PLGRKT: variants seen among roughly 807,000 people sequenced by gnomAD.
PLGRKT encodes the protein plasminogen receptor (KT).
A neutral mutation model predicts 18.5 loss-of-function variants in PLGRKT; 22 were observed. That is an observed-to-expected ratio of 1.19 (90% CI 0.85 to 1.70). The LOEUF (loss-of-function observed/expected upper bound fraction) is 1.70. Among genes scored for constraint, PLGRKT ranks in the 40% most tolerant of loss-of-function variants. The probability of loss-of-function intolerance (pLI) is 0.00; values close to 1 mark genes in which losing one functional copy is unlikely to be tolerated. For missense variants in PLGRKT, 235 were observed against 174.4 expected (o/e 1.35, Z -1.96); for synonymous variants, 72 against 52.8 (o/e 1.36, Z -1.58).
chr9:5,391,320 T>G (rs1012913547), intron 3 of PLGRKT, among the ~76,000 whole-genome samples: 3 of 151,998 alleles, frequency 2.0e-5, no homozygotes, highest in African/African-American at 7.3e-5. Flanking sequence ...CAACATGTCT[T>G]GAAAACATTG....
At chr9:5,401,189 A>G (rs184331760) in intron 3 of PLGRKT, among the ~76,000 whole-genome samples, 3 of 151,946 alleles carry the variant, frequency 2.0e-5, no homozygotes, top group African/African-American at 7.3e-5. Flanking sequence ...TACCCAGTCT[A>G]CACAAGACAC....
chr9:5,422,247 G>A lies in PLGRKT; in HGVS notation c.81+9650C>T, dbSNP rs532998503. Among the ~76,000 whole-genome samples, 8 of 152,302 alleles carry A rather than the reference G, an allele frequency of 5.3e-5. No homozygotes were observed. The East Asian group carries it at 1.3e-3, about 26-fold the overall frequency. ...AAACTTATAATGGGTAGATCAGGTC[G>A]ATATGACTAAAGGTAAGACAACCAG... On this transcript the variant is annotated intron_variant, in intron 3 of 5. Transcript: ENST00000223864.
chr9:5,424,668 TTATATA>T (rs375682412), intron 3 of PLGRKT, among the ~76,000 whole-genome samples: 25,193 of 112,888 alleles, frequency 0.22, 3,199 homozygotes, highest in Non-Finnish European at 0.26. Context: ...ATTATATATT[TTATATA>T]TATATATATA....
At chr9:5,407,841 C>A (rs889812060) in intron 3 of PLGRKT, among the ~76,000 whole-genome samples, 1 of 152,100 alleles carries the variant, frequency 6.6e-6, no homozygotes, top group Admixed American at 6.5e-5. Flanking sequence ...AAAAGAAAAG[C>A]AAAATGCTAT....
chr9:5,370,468 T>C (rs1817492515), intron 3 of PLGRKT, among the ~76,000 whole-genome samples: 1 of 152,246 alleles, frequency 6.6e-6, no homozygotes, highest in African/African-American at 2.4e-5. Flanking sequence ...GAGCCTTCCC[T>C]ATTTTTGAGA....
chr9:5,403,475 T>G (rs1818196368), intron 3 of PLGRKT, among the ~76,000 whole-genome samples: 1 of 152,188 alleles, frequency 6.6e-6, no homozygotes, highest in African/African-American at 2.4e-5. Context: ...TCCGCCTGCC[T>G]CGGCCTCCCA....
intron 3 of PLGRKT, among the ~76,000 whole-genome samples, chr9:5,420,884 C>T (rs1818563080): frequency 6.6e-6 from 1 of 152,172 alleles, no homozygotes; most frequent in Non-Finnish European, 1.5e-5. Flanking sequence ...AGATGGGGGG[C>T]ACAAGTGTGA....
chr9:5,414,671 T>A (rs537899459), intron 3 of PLGRKT, among the ~76,000 whole-genome samples: 3 of 152,326 alleles, frequency 2.0e-5, no homozygotes, highest in East Asian at 3.9e-4. Context: ...TTTGACTGGA[T>A]ACTGTGAAGA....
intron 3 of PLGRKT, among the ~76,000 whole-genome samples, chr9:5,428,164 T>C (rs1205360406): frequency 3.3e-5 from 5 of 152,186 alleles, no homozygotes; most frequent in Non-Finnish European, 7.4e-5. Context: ...GAACTGTGGG[T>C]AGACTAAAAG....
Position 5,418,592 on chromosome 9 carries a change from C to T in PLGRKT, c.81+13305G>A, listed in dbSNP as rs117622174. The T allele has an allele frequency of 0.016, 12,130 of 749,314 alleles. 162 individuals are homozygous for T. The highest frequency in any genetic ancestry group is 0.022 in the Non-Finnish European group (8,775 of 406,238). 46.4% of individuals were successfully genotyped at this position (749,314 alleles called of 1,614,324 possible). A position where few individuals can be genotyped will look rare whatever the true frequency, so the allele number is the denominator to read the frequency against. ...CCAGCAGGGATGGTCACCACAGTGA[C>T]GGACTTCTGCCGGTTCCTGGGCAGC... is the stretch of plus-strand genomic sequence containing the variant. On this transcript the variant is annotated intron_variant, in intron 3 of 5. Coordinates refer to ENST00000223864, the MANE Select transcript of PLGRKT (RefSeq NM_018465.4). This position sits in a 1 kb window ranked among gnomAD's most constrained non-coding sequence, Gnocchi z 4.2.
At chr9:5,426,286 C>T (rs535783577) in intron 3 of PLGRKT, among the ~76,000 whole-genome samples, 7 of 152,210 alleles carry the variant, frequency 4.6e-5, no homozygotes, top group South Asian at 4.1e-4. Flanking sequence ...TCTTATTATA[C>T]TCCATAACTT....
intron 2 of PLGRKT, among the ~76,000 whole-genome samples, chr9:5,432,892 G>T (rs758666198): frequency 5.7e-4 from 86 of 152,192 alleles, no homozygotes; most frequent in Non-Finnish European, 1.0e-3. Flanking sequence ...AAAGTGCTAA[G>T]ATTACAGCCT....
chr9:5,362,281 A>G (rs1444498362), intron 3 of PLGRKT, among the ~76,000 whole-genome samples: 2 of 152,194 alleles, frequency 1.3e-5, no homozygotes, highest in African/African-American at 4.8e-5. Flanking sequence ...TGCCTTCCAA[A>G]TCCATTCCAA....
At chr9:5,406,152 C>T (rs977923416) in intron 3 of PLGRKT, among the ~76,000 whole-genome samples, 1 of 152,178 alleles carries the variant, frequency 6.6e-6, no homozygotes, top group African/African-American at 2.4e-5. Flanking sequence ...AGCTTTTATA[C>T]TGTTGGTGGG....
intron 3 of PLGRKT, among the ~76,000 whole-genome samples, chr9:5,405,431 G>A (rs1396564923): frequency 6.6e-6 from 1 of 152,130 alleles, no homozygotes; most frequent in African/African-American, 2.4e-5. Flanking sequence ...CAATGGAACA[G>A]AATACATAAC....
At chr9:5,378,986 T>G (rs1005774610) in intron 3 of PLGRKT, among the ~76,000 whole-genome samples, 2 of 152,070 alleles carry the variant, frequency 1.3e-5, no homozygotes, top group African/African-American at 4.8e-5. Context: ...AAAGTTGAAA[T>G]CACATAGGCC....
intron 3 of PLGRKT, among the ~76,000 whole-genome samples, chr9:5,414,417 C>T (rs369994098): frequency 7.9e-5 from 12 of 152,306 alleles, no homozygotes; most frequent in East Asian, 7.7e-4. Flanking sequence ...ATCTGCCTAC[C>T]TCGGCCTCCC....
intron 3 of PLGRKT, among the ~76,000 whole-genome samples, chr9:5,372,452 G>T (rs113592794): frequency 6.6e-6 from 1 of 152,174 alleles, no homozygotes; most frequent in East Asian, 1.9e-4. Flanking sequence ...AACAGAACAA[G>T]ATTGATTTCA....
chr9:5,424,668 T>TTATATATATATATATATA lies in PLGRKT; in HGVS notation c.81+7211_81+7228dup, dbSNP rs375682412. 7.4e-4 allele frequency among the ~76,000 whole-genome samples: 84 copies of TTATATATATATATATATA among 113,114 alleles called. 2 individuals are homozygous for TTATATATATATATATATA. Among genetic ancestry groups the TTATATATATATATATATA allele is most frequent in the African/African-American group, 3.3e-3 (80 of 24,304 alleles). 74.2% of individuals were successfully genotyped at this position (113,114 alleles called of 152,430 possible). On this transcript the variant is annotated intron_variant, in intron 3 of 5. Transcript: ENST00000223864. The stretch of plus-strand genomic sequence containing the variant: ...ATTATATATAATATAATTATATATT[T>TTATATATATATATATATA]TATATATATATATATATATATATAC...
Sources: allele counts gnomAD v4.1 joint callset (sites outside exome capture counted in the v4.1 genomes callset), GRCh38; gene constraint gnomAD v4.1.1; non-coding constraint Gnocchi (gnomAD v3.1); transcripts MANE v1.5; gene names NCBI Gene and HGNC (gene_info 2026-07-23, HGNC 2026-07-21).